The following ITGB5 variants were observed in gnomAD, a reference collection of about 807,000 sequenced individuals.
ITGB5 encodes the protein integrin beta-5.
Under a neutral mutation model 84.8 loss-of-function variants are expected in ITGB5, and 38 were observed. That is an observed-to-expected ratio of 0.45 (90% CI 0.35 to 0.59). ITGB5 has a LOEUF of 0.59. Among genes scored for constraint, ITGB5 ranks in the 20% least tolerant of loss-of-function variants. The pLI, the probability that ITGB5 is intolerant of heterozygous loss-of-function variation, is 0.01. For synonymous variants in ITGB5, 393 were observed against 414.4 expected, an observed-to-expected ratio of 0.95 and a Z score of 0.63; for missense variants, 905 against 1,034.5, an observed-to-expected ratio of 0.87 and a Z score of 1.72.
intron 10 of ITGB5, among the ~76,000 whole-genome samples, chr3:124,784,662 C>CT (rs2064054769): frequency 6.6e-6 from 1 of 152,196 alleles, no homozygotes. Flanking sequence ...AACCATAGTC[C>CT]TCTTCTAGGA....
At chr3:124,784,328 G>C (rs1400621134) in intron 10 of ITGB5, among the ~76,000 whole-genome samples, 1 of 151,818 alleles carries the variant, frequency 6.6e-6, no homozygotes, top group Non-Finnish European at 1.5e-5. Flanking sequence ...AAAACAGTGA[G>C]ACCCCATCTC....
chr3:124,853,399 T>C (rs536643832), intron 3 of ITGB5, among the ~76,000 whole-genome samples: 3 of 151,786 alleles, frequency 2.0e-5, no homozygotes, highest in African/African-American at 4.9e-5. Context: ...CAGGCTGTAC[T>C]GCACCCCCTC....
chr3:124,776,586 T>C (rs2063929833), intron 10 of ITGB5, among the ~76,000 whole-genome samples: 1 of 152,212 alleles, frequency 6.6e-6, no homozygotes, highest in Non-Finnish European at 1.5e-5. Flanking sequence ...CAACCCGTAT[T>C]TTTAAAGATG....
At chr3:124,795,346 G>A (rs529791499) in intron 10 of ITGB5, among the ~76,000 whole-genome samples, 102 of 152,112 alleles carry the variant, frequency 6.7e-4, no homozygotes, top group African/African-American at 2.3e-3. Flanking sequence ...AAAATTAGCC[G>A]AGTGTGGTGG....
chr3:124,796,162 G>A lies in ITGB5; in HGVS notation c.1693+226C>T, dbSNP rs115649440. On this transcript the variant is annotated intron_variant, in intron 10 of 14. Coordinates refer to ENST00000296181, the MANE Select transcript of ITGB5 (RefSeq NM_002213.5). ...GGTGGATGACCCACGCAGGCCCCTC[G>A]AATTCTGAGAGTCCACAATTTATGG... Among the ~76,000 whole-genome samples the A allele has an allele frequency of 4.8e-3, 725 of 152,292 alleles. 5 individuals carry two copies. Among genetic ancestry groups the A allele is most frequent in the Non-Finnish European group, 6.4e-3 (433 of 68,018 alleles).
At chr3:124,899,165 C>T (rs1935171521) in intron 1 of ITGB5, among the ~76,000 whole-genome samples, 1 of 152,090 alleles carries the variant, frequency 6.6e-6, no homozygotes, top group African/African-American at 2.4e-5. Context: ...CTAAGAGATG[C>T]TTTCAAATCT....
intron 10 of ITGB5, among the ~76,000 whole-genome samples, chr3:124,786,345 T>C (rs1423310600): frequency 6.6e-6 from 1 of 151,452 alleles, no homozygotes; most frequent in Admixed American, 6.6e-5. Context: ...GAGGCTGCAG[T>C]AGGCTACTGA....
chr3:124,840,753 C>T (rs1304222550), intron 5 of ITGB5, among the ~76,000 whole-genome samples: 4 of 152,090 alleles, frequency 2.6e-5, no homozygotes, highest in Non-Finnish European at 5.9e-5. Context: ...CAACCTCCGC[C>T]TCCTGGTTCA....
intron 9 of ITGB5, among the ~76,000 whole-genome samples, chr3:124,797,448 C>G (rs1369872887): frequency 2.0e-5 from 3 of 152,218 alleles, no homozygotes; most frequent in Non-Finnish European, 2.9e-5. Context: ...TCACAATCCC[C>G]CCATGCCCCT....
chr3:124,763,655 ACTTGTTG>A lies in ITGB5; in HGVS notation c.2361_2367del (p.Asn788SerfsTer42), dbSNP rs2063725353. Reference sequence around the variant, plus strand: ...ACAGTGCCATTGTAGGATTTGTTGAACTTGTTGAAGGTGAAGTCCACAGTGTGCGTGG... The same window carrying A: ...ACAGTGCCATTGTAGGATTTGTTGAAAAGGTGAAGTCCACAGTGTGCGTGG... On this transcript the variant is annotated frameshift_variant, in exon 15 of 15. Coordinates refer to ENST00000296181, the MANE Select transcript of ITGB5 (RefSeq NM_002213.5). LOFTEE classifies it high-confidence loss of function. 8 of 1,249,592 alleles carry A rather than the reference ACTTGTTG, an allele frequency of 6.4e-6. No individual in the cohort carries two copies. The highest frequency in any genetic ancestry group is 1.6e-5 in the South Asian group (1 of 60,938). 77.4% of individuals were successfully genotyped at this position (1,249,592 alleles called of 1,614,324 possible).
chr3:124,842,597 C>A (rs910422877), intron 4 of ITGB5, among the ~76,000 whole-genome samples: 1 of 152,092 alleles, frequency 6.6e-6, no homozygotes, highest in Non-Finnish European at 1.5e-5. Context: ...CGAGGAGGAG[C>A]CTGGGAGGCA....
intron 8 of ITGB5, among the ~76,000 whole-genome samples, chr3:124,811,156 C>T (rs961191912): frequency 1.3e-5 from 2 of 152,184 alleles, no homozygotes; most frequent in Admixed American, 1.3e-4. Context: ...AAAAGCGCCA[C>T]TCAATACACA....
chr3:124,852,719 G>A (rs2065174345), intron 3 of ITGB5, among the ~76,000 whole-genome samples: 1 of 152,112 alleles, frequency 6.6e-6, no homozygotes, highest in South Asian at 2.1e-4. Context: ...ACACGGTCTT[G>A]TTCTGTCACC....
chr3:124,841,346 C>A (rs1157706961), intron 5 of ITGB5, 37 bp downstream of exon 5: 12 of 1,597,894 alleles, frequency 7.5e-6, no homozygotes, highest in African/African-American at 1.3e-5. Context: ...CTACCTTGAC[C>A]TCCCCATGCA....
chr3:124,896,229 T>C (rs1490514859), intron 1 of ITGB5, among the ~76,000 whole-genome samples: 1 of 152,152 alleles, frequency 6.6e-6, no homozygotes, highest in African/African-American at 2.4e-5. Flanking sequence ...ACCCCAATTA[T>C]TTAATCATCA....
chr3:124,799,271 TG>T (rs2064279935), intron 9 of ITGB5, among the ~76,000 whole-genome samples: 1 of 152,142 alleles, frequency 6.6e-6, no homozygotes, highest in Non-Finnish European at 1.5e-5. Context: ...ACGAATAGGA[TG>T]GGCGTAGTGG....
At position 124,763,580 on chromosome 3, in the gene ITGB5, C is replaced by T; in HGVS notation, c.*43G>A. On this transcript the variant is annotated 3_prime_UTR_variant, in exon 15 of 15. Transcript: ENST00000296181. ...GCCGTGCAAGGCGTTTCAGTCTGACCTTTTCATCAGATCCCCGCTCCAGCC... is the reference window on the plus strand; with the variant it reads ...GCCGTGCAAGGCGTTTCAGTCTGACTTTTTCATCAGATCCCCGCTCCAGCC... The T allele has an allele frequency of 2.4e-6, 3 of 1,264,726 alleles. No homozygotes were observed. Among genetic ancestry groups the T allele is most frequent in the South Asian group, 1.2e-5 (1 of 82,466 alleles). The allele number at this position is 1,264,726 out of a possible 1,614,324, so 78.3% of individuals were successfully genotyped here. A position where few individuals can be genotyped will look rare whatever the true frequency, so the allele number is the denominator to read the frequency against.
intron 2 of ITGB5, among the ~76,000 whole-genome samples, chr3:124,871,738 AC>A (rs1934060366): frequency 6.6e-6 from 1 of 152,050 alleles, no homozygotes; most frequent in Non-Finnish European, 1.5e-5. Flanking sequence ...AGGTAGGAGG[AC>A]TGCTTGAGCC....
chr3:124,896,987 T>A (rs1452446202), intron 1 of ITGB5, among the ~76,000 whole-genome samples: 2 of 151,740 alleles, frequency 1.3e-5, no homozygotes, highest in Non-Finnish European at 2.9e-5. Context: ...AAGATCAAAG[T>A]ATACTGAAGT....
Sources: allele counts gnomAD v4.1 joint callset (sites outside exome capture counted in the v4.1 genomes callset), GRCh38; gene constraint gnomAD v4.1.1; transcripts MANE v1.5; gene names NCBI Gene and HGNC (gene_info 2026-07-23, HGNC 2026-07-21).